MCPH1: variants seen among roughly 807,000 people sequenced by gnomAD.
MCPH1 encodes the protein microcephalin.
MCPH1 carries 104 observed loss-of-function variants against 84.5 expected under a neutral mutation model. The ratio of observed to expected loss-of-function variants is 1.23; its 90% CI spans 1.05 to 1.45. The LOEUF (loss-of-function observed/expected upper bound fraction) is 1.45. Among genes scored for constraint, MCPH1 ranks in the 40% most tolerant of loss-of-function variants. The probability of loss-of-function intolerance (pLI) is 0.00; values close to 1 mark genes in which losing one functional copy is unlikely to be tolerated. For missense variants in MCPH1, 1,498 were observed against 1,005.7 expected, an observed-to-expected ratio of 1.49 and a Z score of -6.62; for synonymous variants, 514 against 366.8, an observed-to-expected ratio of 1.40 and a Z score of -4.58.
intron 12 of MCPH1, among the ~76,000 whole-genome samples, chr8:6,519,342 C>G (rs911127314): frequency 2.0e-5 from 3 of 152,192 alleles, no homozygotes; most frequent in African/African-American, 7.2e-5. Flanking sequence ...GTGGGTAAAA[C>G]TGCCACCATC....
At chr8:6,447,053 C>G in intron 8 of MCPH1, 1 of 985,384 alleles carries the variant, frequency 1.0e-6, no homozygotes, top group Non-Finnish European at 1.2e-6. Flanking sequence ...TCTGTGTGCG[C>G]TAGTGCGAGA....
intron 11 of MCPH1, chr8:6,499,642 T>C: frequency 5.8e-6 from 3 of 520,258 alleles, no homozygotes; most frequent in East Asian, 6.5e-5. Context: ...TTTCTTGTTA[T>C]CGTGAGACTT....
At chr8:6,410,080 C>T (rs530805476) in intron 2 of MCPH1, among the ~76,000 whole-genome samples, 24 of 152,156 alleles carry the variant, frequency 1.6e-4, no homozygotes, top group African/African-American at 5.8e-4. Flanking sequence ...AGCGATTGTC[C>T]TGCCTCAGCC....
chr8:6,633,489 A>G (rs970837230), intron 13 of MCPH1, among the ~76,000 whole-genome samples: 2 of 152,220 alleles, frequency 1.3e-5, no homozygotes, highest in African/African-American at 4.8e-5. Context: ...AAATGCTCCG[A>G]TATCTTAAAC....
chr8:6,611,304 C>T (rs1830244781), intron 12 of MCPH1, among the ~76,000 whole-genome samples: 1 of 152,216 alleles, frequency 6.6e-6, no homozygotes, highest in Admixed American at 6.5e-5. Flanking sequence ...AAGCCTGCCC[C>T]CCTACCCATG....
intron 13 of MCPH1, chr8:6,627,237 T>G: frequency 2.0e-6 from 2 of 985,278 alleles, no homozygotes. Context: ...TGAGGCTTGA[T>G]CAGTCACCGC....
intron 12 of MCPH1, among the ~76,000 whole-genome samples, chr8:6,567,883 G>A (rs1406604374): frequency 6.6e-6 from 1 of 152,180 alleles, no homozygotes; most frequent in Non-Finnish European, 1.5e-5. Flanking sequence ...CATTATTACA[G>A]GTTCCCAAAA....
At chr8:6,578,038 T>A (rs377079933) in intron 12 of MCPH1, among the ~76,000 whole-genome samples, 1 of 152,204 alleles carries the variant, frequency 6.6e-6, no homozygotes, top group Non-Finnish European at 1.5e-5. Flanking sequence ...TCTGCTATGT[T>A]TGGGGAGAGC....
chr8:6,575,828 CT>C (rs1399888845), intron 12 of MCPH1, among the ~76,000 whole-genome samples: 5 of 152,082 alleles, frequency 3.3e-5, no homozygotes, highest in Non-Finnish European at 5.9e-5. Flanking sequence ...GGTGAAGCTT[CT>C]ACAAAACAGG....
At chr8:6,562,572 G>A (rs1319847383) in intron 12 of MCPH1, 2 of 41,652 alleles carry the variant, frequency 4.8e-5, no homozygotes, top group South Asian at 5.2e-4. Flanking sequence ...TTTTTTTTTT[G>A]GTTGTTAAAA....
At chr8:6,491,907 T>A (rs1016268785) in intron 11 of MCPH1, among the ~76,000 whole-genome samples, 2 of 152,192 alleles carry the variant, frequency 1.3e-5, no homozygotes, top group Admixed American at 1.3e-4. Context: ...TCCAAGTCTT[T>A]GCTATTGTAA....
chr8:6,407,827 C>T (rs562872617), intron 1 of MCPH1, among the ~76,000 whole-genome samples: 27 of 152,256 alleles, frequency 1.8e-4, no homozygotes, highest in African/African-American at 6.5e-4. Context: ...TAGCCTGCTG[C>T]CTGTTTTTGT....
At chr8:6,532,247 T>G in intron 12 of MCPH1, 1 of 1,504,998 alleles carries the variant, frequency 6.6e-7, no homozygotes, top group Non-Finnish European at 9.1e-7. Flanking sequence ...TAGTTTCTCA[T>G]GCCTTCATTG....
intron 12 of MCPH1, among the ~76,000 whole-genome samples, chr8:6,554,179 C>T (rs1319838558): frequency 6.6e-6 from 1 of 150,718 alleles, no homozygotes; most frequent in African/African-American, 2.5e-5. Flanking sequence ...ATTAAACCAC[C>T]TGGATAGCCC....
intron 4 of MCPH1, among the ~76,000 whole-genome samples, chr8:6,434,236 A>T (rs902656118): frequency 3.3e-5 from 5 of 152,160 alleles, no homozygotes; most frequent in Admixed American, 1.3e-4. Context: ...AATGTGTCCA[A>T]CCTGCACCGT....
intron 13 of MCPH1, chr8:6,627,186 G>A (rs1019992046): frequency 5.1e-6 from 5 of 985,234 alleles, no homozygotes; most frequent in Non-Finnish European, 6.0e-6. Context: ...GGGCCACTCG[G>A]GAGGCCTCAG....
At chr8:6,538,755 G>A (rs1820963420) in intron 12 of MCPH1, among the ~76,000 whole-genome samples, 1 of 152,156 alleles carries the variant, frequency 6.6e-6, no homozygotes, top group Non-Finnish European at 1.5e-5. Flanking sequence ...ATAGGTTAAT[G>A]TTCTTGCTTG....
chr8:6,641,800 A>G (rs548480426), intron 13 of MCPH1, among the ~76,000 whole-genome samples: 100 of 152,356 alleles, frequency 6.6e-4, no homozygotes, highest in African/African-American at 2.4e-3. Flanking sequence ...TGTGGAGAGA[A>G]TTAAGTAGTA....
intron 11 of MCPH1, among the ~76,000 whole-genome samples, chr8:6,482,405 C>G (rs775825744): frequency 1.3e-5 from 2 of 152,228 alleles, no homozygotes; most frequent in Admixed American, 6.5e-5. Flanking sequence ...GGGCCACGGA[C>G]TGTGCCCCCT....
Sources: allele counts gnomAD v4.1 joint callset (sites outside exome capture counted in the v4.1 genomes callset), GRCh38; gene constraint gnomAD v4.1.1; transcripts MANE v1.5; gene names NCBI Gene and HGNC (gene_info 2026-07-23, HGNC 2026-07-21).